Variants in MAGI2 observed in about 807,000 individuals in gnomAD.
MAGI2 encodes membrane-associated guanylate kinase, WW and PDZ domain-containing protein 2.
A neutral mutation model predicts 133.3 loss-of-function variants in MAGI2; 35 were observed. That is an observed-to-expected ratio of 0.26 (90% CI 0.20 to 0.35). The LOEUF (loss-of-function observed/expected upper bound fraction) is 0.35. Among genes scored for constraint, MAGI2 ranks in the 10% least tolerant of loss-of-function variants. The probability of loss-of-function intolerance (pLI) is 1.00; values close to 1 mark genes in which losing one functional copy is unlikely to be tolerated. For missense variants in MAGI2, 1,636 were observed against 1,863.4 expected, an observed-to-expected ratio of 0.88 and a Z score of 2.25; for synonymous variants, 729 against 710.6, an observed-to-expected ratio of 1.03 and a Z score of -0.41.
chr7:78,878,993 G>A (rs1795640809), intron 2 of MAGI2, among the ~76,000 whole-genome samples: 2 of 152,078 alleles, frequency 1.3e-5, no homozygotes, highest in African/African-American at 2.4e-5. Context: ...TAGTTCAGTA[G>A]GGCCCCTATG....
At chr7:78,260,544 A>G (rs1793417878) in intron 9 of MAGI2, among the ~76,000 whole-genome samples, 1 of 152,154 alleles carries the variant, frequency 6.6e-6, no homozygotes, top group South Asian at 2.1e-4. Flanking sequence ...AAATACTTAT[A>G]ATTTTATCAA....
chr7:79,057,267 G>A (rs144682554), intron 1 of MAGI2, among the ~76,000 whole-genome samples: 91 of 152,188 alleles, frequency 6.0e-4, no homozygotes, highest in African/African-American at 2.1e-3. Context: ...ATAGAGATGT[G>A]GAAGGACCAC....
At chr7:78,504,647 A>G (rs1412896710) in intron 4 of MAGI2, among the ~76,000 whole-genome samples, 1 of 152,164 alleles carries the variant, frequency 6.6e-6, no homozygotes, top group South Asian at 2.1e-4. Flanking sequence ...ATACAAATAC[A>G]CAGACTTTGA....
chr7:78,142,294 C>T (rs1822841569), intron 16 of MAGI2, among the ~76,000 whole-genome samples: 1 of 152,064 alleles, frequency 6.6e-6, no homozygotes, highest in South Asian at 2.1e-4. Flanking sequence ...TAGATCTGTC[C>T]ATAATGTATT....
chr7:79,110,109 G>A (rs1818798653), intron 1 of MAGI2, among the ~76,000 whole-genome samples: 1 of 151,340 alleles, frequency 6.6e-6, no homozygotes, highest in Middle Eastern at 3.5e-3. Context: ...AGGAGAGCAA[G>A]AGTGAAGAAG....
intron 2 of MAGI2, among the ~76,000 whole-genome samples, chr7:78,902,798 T>A (rs1394834116): frequency 1.3e-5 from 2 of 152,076 alleles, no homozygotes; most frequent in African/African-American, 4.8e-5. Context: ...TGTTGGTAGT[T>A]CTCCCGGGCA....
At chr7:79,092,673 C>CAGAT (rs1458232312) in intron 1 of MAGI2, among the ~76,000 whole-genome samples, 1 of 152,166 alleles carries the variant, frequency 6.6e-6, no homozygotes, top group African/African-American at 2.4e-5. Context: ...TAGGTTGCTA[C>CAGAT]AGATAGTACA....
chr7:79,035,005 G>A (rs10485926), intron 1 of MAGI2, among the ~76,000 whole-genome samples: 34,293 of 152,066 alleles, frequency 0.23, 3,992 homozygotes, highest in Middle Eastern at 0.31. Flanking sequence ...TTACCACTTG[G>A]ATACTTAAAG....
At chr7:78,690,945 T>C (rs1409331883) in intron 2 of MAGI2, among the ~76,000 whole-genome samples, 1 of 152,218 alleles carries the variant, frequency 6.6e-6, no homozygotes, top group Non-Finnish European at 1.5e-5. Context: ...GCACTAAACA[T>C]GCACATTCAT....
chr7:78,755,329 T>C (rs1396040561), intron 2 of MAGI2, among the ~76,000 whole-genome samples: 3 of 152,228 alleles, frequency 2.0e-5, no homozygotes, highest in Admixed American at 2.0e-4. Context: ...TCATTTGTTT[T>C]TGGAAACATA....
chr7:78,069,675 A>C lies in MAGI2; in HGVS notation c.3706+9272T>G, dbSNP rs143233664. On this transcript the variant is annotated intron_variant, in intron 21 of 21. Coordinates refer to ENST00000354212, the MANE Select transcript of MAGI2 (RefSeq NM_012301.4). ...TCTTGTCCCTTGATCCTCAATCTCA[A>C]CTCCTCACCCCACAATCCCCGGTTG... is the stretch of plus-strand genomic sequence containing the variant. Among the ~76,000 whole-genome samples, 201 of 150,982 alleles carry C rather than the reference A, an allele frequency of 1.3e-3. 2 individuals are homozygous for C. Among genetic ancestry groups the C allele is most frequent in the African/African-American group, 4.6e-3 (189 of 41,066 alleles).
chr7:79,393,633 C>A (rs942686978), intron 1 of MAGI2, among the ~76,000 whole-genome samples: 6 of 152,116 alleles, frequency 3.9e-5, no homozygotes, highest in Non-Finnish European at 5.9e-5. Flanking sequence ...AAATTTCTTG[C>A]CACATGTGAA....
chr7:78,752,013 C>T (rs1486623153), intron 2 of MAGI2, among the ~76,000 whole-genome samples: 1 of 152,206 alleles, frequency 6.6e-6, no homozygotes, highest in Non-Finnish European at 1.5e-5. Context: ...CAAGGAAGAA[C>T]ATATACCACA....
intron 20 of MAGI2, among the ~76,000 whole-genome samples, chr7:78,094,706 A>G (rs1486978582): frequency 6.6e-6 from 1 of 152,186 alleles, no homozygotes; most frequent in Non-Finnish European, 1.5e-5. Context: ...ACAATGTGCA[A>G]TTGATTTATT....
Position 78,567,225 on chromosome 7 carries a change from T to C in MAGI2, c.539-45580A>G, listed in dbSNP as rs547886079. Among the ~76,000 whole-genome samples, 128 of 152,320 alleles carry C rather than the reference T, an allele frequency of 8.4e-4. 1 individual carries two copies. Among genetic ancestry groups the C allele is most frequent in the African/African-American group, 3.0e-3 (123 of 41,572 alleles). ...TGTACTTTTCTTCTATTTCTCCTCTTATTTACCATTTCAGAAGAGAGGAAC... is the reference window on the plus strand; with the variant it reads ...TGTACTTTTCTTCTATTTCTCCTCTCATTTACCATTTCAGAAGAGAGGAAC... On this transcript the variant is annotated intron_variant, in intron 3 of 21. Coordinates refer to ENST00000354212, the MANE Select transcript of MAGI2 (RefSeq NM_012301.4).
intron 6 of MAGI2, among the ~76,000 whole-genome samples, chr7:78,477,273 C>G (rs1400273282): frequency 6.6e-6 from 1 of 151,926 alleles, no homozygotes; most frequent in Non-Finnish European, 1.5e-5. Flanking sequence ...ATGTGGACTA[C>G]AGTGAGCATT....
intron 2 of MAGI2, among the ~76,000 whole-genome samples, chr7:78,872,463 A>G (rs1384265084): frequency 6.6e-6 from 1 of 152,156 alleles, no homozygotes; most frequent in East Asian, 1.9e-4. Flanking sequence ...TTCAACATAC[A>G]TTCTTTGAAT....
intron 2 of MAGI2, among the ~76,000 whole-genome samples, chr7:78,831,074 A>ATT (rs11427935): frequency 6.6e-6 from 1 of 151,844 alleles, no homozygotes; most frequent in Admixed American, 6.6e-5. Context: ...TCTTATCAAC[A>ATT]TTTTTTCCCC....
At chr7:78,372,418 C>T (rs78208695) in intron 6 of MAGI2, among the ~76,000 whole-genome samples, 8,208 of 152,202 alleles carry the variant, frequency 0.054, 324 homozygotes, top group South Asian at 0.096. Flanking sequence ...TCCAACATCG[C>T]ACTATTTGTC....
Sources: gnomAD v4.1 joint callset for allele counts (sites outside exome capture counted in the v4.1 genomes callset) on GRCh38, gnomAD v4.1.1 for gene constraint, MANE v1.5 for transcripts, NCBI Gene and HGNC (gene_info 2026-07-23, HGNC 2026-07-21) for gene names.